The following VWC2L variants were observed in gnomAD, a reference collection of about 807,000 sequenced individuals.
VWC2L encodes von Willebrand factor C domain containing 2 like.
VWC2L carries 10 observed loss-of-function variants against 21.6 expected under a neutral mutation model. The observed-to-expected ratio is 0.46, with a 90% CI of 0.29 to 0.78. VWC2L has a LOEUF of 0.78. Ranked by LOEUF, VWC2L falls within the 30% of genes least tolerant of loss-of-function variation. The pLI is 0.10. For synonymous variants in VWC2L, 96 were observed against 94.3 expected (o/e 1.02, Z -0.10); for missense variants, 209 against 277.1 (o/e 0.75, Z 1.74).
intron 3 of VWC2L, among the ~76,000 whole-genome samples, chr2:214,544,049 T>C (rs1292900598): frequency 6.6e-6 from 1 of 152,184 alleles, no homozygotes; most frequent in Admixed American, 6.6e-5. Context: ...AGAAATAGTA[T>C]TGTTATCTCT....
In VWC2L at chr2:214,450,378, T is replaced by TAG. The variant is rs529931409; in HGVS notation, c.520+13621_520+13622dup. On this transcript the variant is annotated intron_variant, in intron 3 of 3. Transcript: ENST00000312504. ...CAACCCATCACTATGGTGACCCTTC[T>TAG]AGCCTATCACAGTATGTGTCTAAGC... Among the ~76,000 whole-genome samples the TAG allele has an allele frequency of 1.9e-3, 294 of 152,354 alleles. 1 individual carries two copies. Among genetic ancestry groups the TAG allele is most frequent in the Middle Eastern group, 0.014 (4 of 294 alleles).
intron 3 of VWC2L, among the ~76,000 whole-genome samples, chr2:214,468,290 G>T (rs1445271979): frequency 6.6e-6 from 1 of 152,150 alleles, no homozygotes; most frequent in African/African-American, 2.4e-5. Flanking sequence ...TGGGATTACA[G>T]GCGTGAGCCA....
intron 3 of VWC2L, among the ~76,000 whole-genome samples, chr2:214,561,329 G>A (rs970679326): frequency 9.9e-5 from 15 of 152,064 alleles, no homozygotes; most frequent in African/African-American, 3.6e-4. Flanking sequence ...TACAAAAATT[G>A]GTTTCCTCTT....
intron 2 of VWC2L, among the ~76,000 whole-genome samples, chr2:214,434,291 A>T (rs568502591): frequency 6.6e-6 from 1 of 152,184 alleles, no homozygotes; most frequent in Non-Finnish European, 1.5e-5. Flanking sequence ...ATGCCTGCAC[A>T]TCTAGTTACC....
chr2:214,511,475 G>A (rs1230198070), intron 3 of VWC2L, among the ~76,000 whole-genome samples: 1 of 152,062 alleles, frequency 6.6e-6, no homozygotes, highest in Non-Finnish European at 1.5e-5. Flanking sequence ...CTTATAAGAA[G>A]AGGAAGAGAG....
chr2:214,482,565 ATC>A (rs201406899), intron 3 of VWC2L, among the ~76,000 whole-genome samples: 11 of 150,388 alleles, frequency 7.3e-5, no homozygotes, highest in African/African-American at 2.2e-4. Flanking sequence ...ATATATATAT[ATC>A]TCTCCAAACT....
chr2:214,461,323 G>A (rs1703137151), intron 3 of VWC2L, among the ~76,000 whole-genome samples: 4 of 152,156 alleles, frequency 2.6e-5, no homozygotes, highest in Admixed American at 6.5e-5. Flanking sequence ...CAGTTTGTGT[G>A]GCATAGGCAA....
chr2:214,425,741 G>T (rs181311843), intron 2 of VWC2L, among the ~76,000 whole-genome samples: 1 of 152,050 alleles, frequency 6.6e-6, no homozygotes, highest in Non-Finnish European at 1.5e-5. Flanking sequence ...ATAGAGAAGC[G>T]GTAGATCTTG....
At chr2:214,458,198 C>G (rs1460336959) in intron 3 of VWC2L, among the ~76,000 whole-genome samples, 1 of 151,854 alleles carries the variant, frequency 6.6e-6, no homozygotes, top group Non-Finnish European at 1.5e-5. Flanking sequence ...GTCCATTGCC[C>G]GTAGGTTTGC....
intron 3 of VWC2L, among the ~76,000 whole-genome samples, chr2:214,455,555 G>A (rs1452154806): frequency 6.6e-6 from 1 of 152,114 alleles, no homozygotes; most frequent in African/African-American, 2.4e-5. Context: ...GACATTTTAA[G>A]ACCCCTCTTC....
chr2:214,502,346 C>A (rs1182159374), intron 3 of VWC2L, among the ~76,000 whole-genome samples: 1 of 152,020 alleles, frequency 6.6e-6, no homozygotes, highest in East Asian at 1.9e-4. Context: ...CTGAGGCAGG[C>A]GGATCATGAG....
intron 3 of VWC2L, among the ~76,000 whole-genome samples, chr2:214,447,723 A>C (rs1702860217): frequency 6.6e-6 from 1 of 152,066 alleles, no homozygotes; most frequent in African/African-American, 2.4e-5. Flanking sequence ...TCTTCCTCAG[A>C]AGTTTTACAC....
chr2:214,559,297 C>T (rs1320619121), intron 3 of VWC2L, among the ~76,000 whole-genome samples: 2 of 152,146 alleles, frequency 1.3e-5, no homozygotes, highest in Non-Finnish European at 2.9e-5. Flanking sequence ...GAAACCATCT[C>T]ACACCAGTTA....
chr2:214,493,578 A>G (rs1443307558), intron 3 of VWC2L, among the ~76,000 whole-genome samples: 2 of 152,074 alleles, frequency 1.3e-5, no homozygotes, highest in African/African-American at 2.4e-5. Context: ...TTGGTTTTCT[A>G]TCCCACCAAC....
At chr2:214,426,211 A>C (rs1368995639) in intron 2 of VWC2L, among the ~76,000 whole-genome samples, 2 of 151,602 alleles carry the variant, frequency 1.3e-5, no homozygotes, top group African/African-American at 4.8e-5. Context: ...TTCAGTCTGA[A>C]GAACTAAAGG....
intron 3 of VWC2L, among the ~76,000 whole-genome samples, chr2:214,456,850 T>G (rs1034178977): frequency 3.3e-5 from 5 of 152,142 alleles, no homozygotes; most frequent in Non-Finnish European, 1.5e-5. Context: ...CACTATGTGT[T>G]CTTGGCATCT....
chr2:214,449,782 T>C (rs1448698784), intron 3 of VWC2L, among the ~76,000 whole-genome samples: 1 of 152,202 alleles, frequency 6.6e-6, no homozygotes, highest in Non-Finnish European at 1.5e-5. Flanking sequence ...TTTGCTTACA[T>C]GTGCTTCATT....
intron 3 of VWC2L, among the ~76,000 whole-genome samples, chr2:214,545,326 T>C (rs1201018516): frequency 5.3e-5 from 8 of 152,216 alleles, no homozygotes; most frequent in Non-Finnish European, 1.5e-5. Flanking sequence ...CTTTAAGTAC[T>C]CTTTGCCAAC....
chr2:214,464,369 C>G (rs1176546483), intron 3 of VWC2L, among the ~76,000 whole-genome samples: 4 of 152,126 alleles, frequency 2.6e-5, no homozygotes, highest in African/African-American at 9.7e-5. Context: ...ACCCCAAGAC[C>G]AGTAACACCG....
Sources: allele counts gnomAD v4.1 joint callset (sites outside exome capture counted in the v4.1 genomes callset), GRCh38; gene constraint gnomAD v4.1.1; transcripts MANE v1.5; gene names NCBI Gene and HGNC (gene_info 2026-07-23, HGNC 2026-07-21).